GRHPR: variants seen among roughly 807,000 people sequenced by gnomAD.
The protein encoded by GRHPR is glyoxylate and hydroxypyruvate reductase, also known as glyoxylate reductase/hydroxypyruvate reductase.
In GRHPR, 35 loss-of-function variants were observed where a neutral mutation model predicts 36.8. The observed-to-expected ratio is 0.95, with a 90% CI of 0.73 to 1.26. GRHPR has a LOEUF of 1.26. GRHPR is among the 50% of genes most tolerant of loss of function. The pLI is 0.00. For missense variants in GRHPR, 380 were observed against 435.0 expected (o/e 0.87, Z 1.12); for synonymous variants, 179 against 181.0 (o/e 0.99, Z 0.09).
chr9:37,430,081 T>A, intron 6 of GRHPR: 1 of 574,000 alleles, frequency 1.7e-6, no homozygotes, highest in African/African-American at 1.9e-5. Flanking sequence ...AGTCCTTTGT[T>A]ACCATTCCCC....
intron 5 of GRHPR, 29 bp from the exon 6 acceptor site, chr9:37,429,703 G>T: frequency 6.9e-7 from 1 of 1,449,040 alleles, no homozygotes; most frequent in Non-Finnish European, 9.7e-7. Flanking sequence ...GCGGGACTGG[G>T]AACGAGACAT....
chr9:37,422,984 A>G (rs1036101741), intron 1 of GRHPR, 151 bp downstream of exon 1: 2 of 625,948 alleles, frequency 3.2e-6, no homozygotes, highest in Non-Finnish European at 5.6e-6. Flanking sequence ...TTCTCCTCTT[A>G]AGACGACGCT....
At chr9:37,428,396 T>G in intron 4 of GRHPR, 88 bp from the exon 5 acceptor site, 2 of 875,514 alleles carry the variant, frequency 2.3e-6, no homozygotes, top group Non-Finnish European at 3.9e-6. Flanking sequence ...GTTTATACCT[T>G]GGACCACAGT....
In GRHPR at chr9:37,432,158, A is replaced by T; in HGVS notation, c.865+20A>T. 1 of 1,613,184 alleles carries T rather than the reference A, an allele frequency of 6.2e-7. No individual in the cohort carries two copies. Among genetic ancestry groups the T allele is most frequent in the Non-Finnish European group, 8.5e-7 (1 of 1,179,246 alleles). ...ACTGTGGTAAGAACTGCACTTTCTGATGCAAACTCCCTGCTGCCCTGCAGG... is the reference window on the plus strand; with the variant it reads ...ACTGTGGTAAGAACTGCACTTTCTGTTGCAAACTCCCTGCTGCCCTGCAGG... On this transcript the variant is annotated intron_variant, in intron 8 of 8. Transcript: ENST00000318158.
At chr9:37,433,336 C>T (rs1823468806) in intron 8 of GRHPR, among the ~76,000 whole-genome samples, 2 of 150,704 alleles carry the variant, frequency 1.3e-5, no homozygotes, top group East Asian at 3.9e-4. Flanking sequence ...TGGGTTCAAG[C>T]GATTCTCCTG....
chr9:37,427,244 G>A (rs1035706118), intron 4 of GRHPR, among the ~76,000 whole-genome samples: 2 of 152,144 alleles, frequency 1.3e-5, no homozygotes, highest in African/African-American at 2.4e-5. Context: ...GTGGGCGTCC[G>A]CTTGAGTCCT....
chr9:37,428,344 G>T, intron 4 of GRHPR, 140 bp from the exon 5 acceptor site: 1 of 730,408 alleles, frequency 1.4e-6, no homozygotes, highest in African/African-American at 1.7e-5. Flanking sequence ...GTGCCGAGTG[G>T]CAGTGCCTCA....
intron 7 of GRHPR, 65 bp from the exon 8 acceptor site, chr9:37,431,943 C>G: frequency 1.3e-6 from 2 of 1,577,450 alleles, no homozygotes; most frequent in African/African-American, 1.3e-5. Context: ...GTAGGTTGTT[C>G]TGCCTCAAAG....
intron 8 of GRHPR, 84 bp from the exon 9 acceptor site, chr9:37,436,577 C>T: frequency 6.7e-7 from 1 of 1,486,764 alleles, no homozygotes; most frequent in Non-Finnish European, 9.4e-7. Context: ...TTCTTACCGG[C>T]AAACCCAAGC....
Position 37,422,748 on chromosome 9 carries a change from C to A in GRHPR, c.-3C>A, listed in dbSNP as rs200847843. The A allele has an allele frequency of 6.3e-7, 1 of 1,578,564 alleles. No individual in the cohort carries two copies. The highest frequency in any genetic ancestry group is 8.6e-7 in the Non-Finnish European group (1 of 1,163,394). The stretch of plus-strand genomic sequence containing the variant: ...CAGGTCCGGGTCGGCGGCTGCACTG[C>A]GGATGAGACCGGTGCGACTCATGAA... On this transcript the variant is annotated 5_prime_UTR_variant, in exon 1 of 9. Transcript: ENST00000318158.
At position 37,426,620 on chromosome 9, in the gene GRHPR, C is replaced by T. The variant is rs372712521; in HGVS notation, c.370C>T (p.Arg124Cys). Residue 124 changes from arginine (R) to cysteine (C), a missense_variant, in exon 4 of 9, where the codon CGC (arginine) becomes TGC (cysteine). Arg to Cys is a radical substitution (Grantham distance 180, BLOSUM62 -3). Transcript: ENST00000318158. ...LAVSLLLTTC[R>C]RLPEAIEEVK... is the part of the protein sequence containing the mutation. ...AGTCTCCCTGCTACTTACCACCTGC[C>T]GCCGGTTGCCGGAGGCCATCGAGGA... 5.6e-6 allele frequency: 9 copies of T among 1,613,072 alleles called. No individual in the cohort carries two copies. The highest frequency in any genetic ancestry group is 1.1e-5 in the South Asian group (1 of 91,062).
downstream of GRHPR, chr9:37,439,154 G>A (rs978859920): frequency 2.6e-5 from 4 of 152,210 alleles, no homozygotes; most frequent in Non-Finnish European, 5.9e-5. Flanking sequence ...GCATTAACCT[G>A]TGCTGTTCCC....
chr9:37,425,018 T>G lies in GRHPR; in HGVS notation c.214+43T>G, dbSNP rs902348265. ...AGGGGACTTGAGGGTGGCTTGGCCC[T>G]GTGGGCCCCTCAGCCTGTGCTGCTG... On this transcript the variant is annotated intron_variant, in intron 2 of 8. Coordinates refer to ENST00000318158, the MANE Select transcript of GRHPR (RefSeq NM_012203.2). 4 of 1,591,252 alleles carry G rather than the reference T, an allele frequency of 2.5e-6. No homozygotes were observed. The East Asian group carries it at 6.7e-5, about 27-fold the overall frequency.
chr9:37,432,506 C>T, intron 8 of GRHPR: 1 of 311,816 alleles, frequency 3.2e-6, no homozygotes, highest in Non-Finnish European at 6.3e-6. Context: ...GGTGAAACCC[C>T]ATCTCTACTA....
chr9:37,424,621 C>T (rs913767549), intron 1 of GRHPR, among the ~76,000 whole-genome samples: 10 of 152,256 alleles, frequency 6.6e-5, no homozygotes, highest in African/African-American at 2.4e-4. Context: ...GTCCCCATGC[C>T]TTCCCCCTTG....
intron 1 of GRHPR, among the ~76,000 whole-genome samples, chr9:37,423,650 T>G (rs1233538119): frequency 6.6e-6 from 1 of 151,966 alleles, no homozygotes; most frequent in Non-Finnish European, 1.5e-5. Flanking sequence ...AATTTTTTAT[T>G]TTTTTCAAAG....
chr9:37,428,776 C>A (rs755488609), intron 5 of GRHPR: 2 of 689,578 alleles, frequency 2.9e-6, no homozygotes, highest in Admixed American at 2.0e-5. Flanking sequence ...TAAGAACTCA[C>A]CAGGTGATAA....
chr9:37,434,429 G>A (rs1430620592), intron 8 of GRHPR: 4 of 585,970 alleles, frequency 6.8e-6, no homozygotes, highest in Non-Finnish European at 9.2e-6. Context: ...GTCAGACTGT[G>A]TAGACCAATT....
intron 8 of GRHPR, chr9:37,432,403 G>C (rs188338939): frequency 5.0e-6 from 2 of 398,472 alleles, no homozygotes; most frequent in East Asian, 1.2e-4. Flanking sequence ...GAGTGGGCCA[G>C]GCGTGGTGGC....
Sources: gnomAD v4.1 joint callset for allele counts (sites outside exome capture counted in the v4.1 genomes callset) on GRCh38, gnomAD v4.1.1 for gene constraint, MANE v1.5 for transcripts, NCBI Gene and HGNC (gene_info 2026-07-23, HGNC 2026-07-21) for gene names.